PAX8: variants seen among roughly 807,000 people sequenced by gnomAD.
PAX8 encodes paired box protein Pax-8.
Under a neutral mutation model 52.4 loss-of-function variants are expected in PAX8, and 15 were observed. That is an observed-to-expected ratio of 0.29 (90% CI 0.19 to 0.44). PAX8 has a LOEUF of 0.44. Among genes scored for constraint, PAX8 ranks in the 20% least tolerant of loss-of-function variants. The pLI is 1.00. For missense variants in PAX8, 554 were observed against 602.5 expected, an observed-to-expected ratio of 0.92 and a Z score of 0.84; for synonymous variants, 284 against 249.7, an observed-to-expected ratio of 1.14 and a Z score of -1.29.
chr2:113,250,973 G>T (rs987217729), intron 2 of PAX8: 2 of 151,174 alleles, frequency 1.3e-5, no homozygotes, highest in Admixed American at 6.6e-5. Flanking sequence ...AGGTAACTAG[G>T]TGAAGAATTT....
intron 5 of PAX8, 32 bp downstream of exon 5, chr2:113,242,658 A>G: frequency 6.9e-7 from 1 of 1,440,412 alleles, no homozygotes. Context: ...GTACACGAGC[A>G]TGTGTGTGTA....
At chr2:113,233,725 T>A (rs1021908634) in intron 9 of PAX8, among the ~76,000 whole-genome samples, 20 of 151,266 alleles carry the variant, frequency 1.3e-4, no homozygotes, top group Non-Finnish European at 2.4e-4. Flanking sequence ...TTTTATCACA[T>A]GACCCTGTGG....
chr2:113,244,776 G>A (rs909156437), intron 3 of PAX8, 152 bp from the exon 4 acceptor site: 2 of 729,320 alleles, frequency 2.7e-6, no homozygotes, highest in African/African-American at 3.5e-5. Flanking sequence ...CGCTTGATGT[G>A]CATGGAACTA....
intron 2 of PAX8, chr2:113,272,944 C>T (rs1055652022): frequency 6.6e-6 from 1 of 152,210 alleles, no homozygotes; most frequent in African/African-American, 2.4e-5. Flanking sequence ...AAAAGCAAAA[C>T]TAATCTGCAG....
chr2:113,274,602 G>A (rs1326160932), intron 2 of PAX8: 1 of 151,878 alleles, frequency 6.6e-6, no homozygotes, highest in East Asian at 1.9e-4. Flanking sequence ...ACAGCAAAAT[G>A]TTCTGGAGGA....
intron 2 of PAX8, among the ~76,000 whole-genome samples, chr2:113,256,616 G>A (rs73955188): frequency 0.031 from 2,161 of 69,614 alleles, 20 homozygotes; most frequent in Admixed American, 0.04. Flanking sequence ...ATGTGTGTGT[G>A]TATATATATA....
At chr2:113,251,667 A>C (rs1350857903) in intron 2 of PAX8, among the ~76,000 whole-genome samples, 1 of 152,198 alleles carries the variant, frequency 6.6e-6, no homozygotes, top group Non-Finnish European at 1.5e-5. Flanking sequence ...CCATTCAGGG[A>C]GGTCTTAGGA....
intron 2 of PAX8, among the ~76,000 whole-genome samples, chr2:113,261,684 G>A (rs145881933): frequency 2.9e-3 from 437 of 152,336 alleles, no homozygotes; most frequent in African/African-American, 0.01. Context: ...GAACCTCAGC[G>A]TTCTGACCTA....
At chr2:113,242,554 A>G in intron 5 of PAX8, 136 bp downstream of exon 5, 2 of 762,614 alleles carry the variant, frequency 2.6e-6, no homozygotes, top group Admixed American at 1.8e-5. Flanking sequence ...CTCAGTCTAC[A>G]CATGGGTTTG....
At chr2:113,231,313 G>C (rs1047530827) in intron 9 of PAX8, among the ~76,000 whole-genome samples, 2 of 152,264 alleles carry the variant, frequency 1.3e-5, no homozygotes, top group Non-Finnish European at 2.9e-5. Flanking sequence ...GCTGGGACCA[G>C]GACGGCCTCG....
At chr2:113,276,115 A>T (rs887130222) in intron 2 of PAX8, 2 of 143,702 alleles carry the variant, frequency 1.4e-5, no homozygotes, top group Admixed American at 6.9e-5. Flanking sequence ...CCTGGGGAAA[A>T]GGGGGAACCT....
Position 113,235,256 on chromosome 2 carries a change from C to CAA in PAX8, c.1087+136_1087+137dup, listed in dbSNP as rs1690180984. Reference sequence around the variant, plus strand: ...ACAGAGAACTTCATGTTGGCGCCTCCAAAAGTTGCCGGAGGAATTAGGGAA... The same window carrying CAA: ...ACAGAGAACTTCATGTTGGCGCCTCCAAAAAAGTTGCCGGAGGAATTAGGGAA... On this transcript the variant is annotated intron_variant, in intron 9 of 11. Transcript: ENST00000429538. 5.5e-6 allele frequency: 4 copies of CAA among 730,448 alleles called. No individual in the cohort carries two copies. The East Asian group carries it at 1.1e-4, about 20-fold the overall frequency. The allele number at this position is 730,448 out of a possible 1,614,324, so 45.2% of individuals were successfully genotyped here.
intron 9 of PAX8, among the ~76,000 whole-genome samples, chr2:113,229,834 G>T (rs768862871): frequency 5.3e-5 from 8 of 152,174 alleles, no homozygotes; most frequent in African/African-American, 1.9e-4. Context: ...AGAGCAGGAG[G>T]AGCACAGAGC....
At chr2:113,245,524 A>G (rs1691243557) in intron 3 of PAX8, among the ~76,000 whole-genome samples, 1 of 152,012 alleles carries the variant, frequency 6.6e-6, no homozygotes, top group Non-Finnish European at 1.5e-5. Context: ...GCTTCTCCTC[A>G]TGGACTCTGG....
chr2:113,263,180 C>CTA (rs1285008577), intron 2 of PAX8: 4 of 152,276 alleles, frequency 2.6e-5, no homozygotes, highest in African/African-American at 9.6e-5. Flanking sequence ...CTTGACATTA[C>CTA]TATACTTGCT....
At chr2:113,256,263 C>A (rs1051820352) in intron 2 of PAX8, among the ~76,000 whole-genome samples, 3 of 152,182 alleles carry the variant, frequency 2.0e-5, no homozygotes, top group Non-Finnish European at 4.4e-5. Context: ...AGGAAGCAAC[C>A]ACTGCTCCTC....
intron 7 of PAX8, chr2:113,240,999 T>A (rs1573456531): frequency 5.3e-6 from 1 of 187,794 alleles, no homozygotes; most frequent in Non-Finnish European, 1.1e-5. Flanking sequence ...ACGGAGAGGG[T>A]GATGTTTGGC....
rs1331818012 is a variant in PAX8, at chr2:113,227,190, C to T, written c.1154G>A (p.Ser385Asn). ...PPHIPTSGQG[S>N]YASSAIAGMV... ...GCCTGCGATGGCAGAGGAGGCATAG[C>T]TGCCCTGTCCGCTGGTGGGGATGTG... Residue 385 changes from serine to asparagine, a missense_variant, in exon 10 of 12, where the codon AGC becomes AAC. This residue lies in a region of PAX8 where 445 missense variants were observed against 409.9 expected (regional missense o/e 1.09). Coordinates refer to ENST00000429538, the MANE Select transcript of PAX8 (RefSeq NM_003466.4). The T allele has an allele frequency of 6.2e-7, 1 of 1,608,374 alleles. No homozygotes were observed. Among genetic ancestry groups the T allele is most frequent in the Non-Finnish European group, 8.5e-7 (1 of 1,177,874 alleles).
intron 9 of PAX8, among the ~76,000 whole-genome samples, chr2:113,232,656 C>T (rs1689965566): frequency 1.3e-5 from 2 of 152,186 alleles, no homozygotes; most frequent in Non-Finnish European, 2.9e-5. Flanking sequence ...TTGGAGGCGT[C>T]ACCTCTGATT....
Sources: allele counts gnomAD v4.1 joint callset (sites outside exome capture counted in the v4.1 genomes callset), GRCh38; gene constraint gnomAD v4.1.1; regional missense constraint gnomAD v4.1.1; transcripts MANE v1.5; gene names NCBI Gene and HGNC (gene_info 2026-07-23, HGNC 2026-07-21).